The following SNTG1 variants were observed in gnomAD, a reference collection of about 807,000 sequenced individuals.
SNTG1 encodes syntrophin gamma 1.
SNTG1 carries 39 observed loss-of-function variants against 74.7 expected under a neutral mutation model. The ratio of observed to expected loss-of-function variants is 0.52; its 90% CI spans 0.40 to 0.68. The LOEUF is 0.68. Among genes scored for constraint, SNTG1 ranks in the 30% least tolerant of loss-of-function variants. The pLI is 0.00. For missense variants in SNTG1, 685 were observed against 609.5 expected (o/e 1.12, Z -1.30); for synonymous variants, 254 against 217.1 (o/e 1.17, Z -1.49).
chr8:50,678,279 A>C (rs113465705), intron 15 of SNTG1, among the ~76,000 whole-genome samples: 1 of 152,192 alleles, frequency 6.6e-6, no homozygotes, highest in Non-Finnish European at 1.5e-5. Flanking sequence ...CATATTTTAA[A>C]TAATTGAATT....
intron 10 of SNTG1, among the ~76,000 whole-genome samples, chr8:50,531,226 G>A (rs915827386): frequency 1.6e-4 from 24 of 151,756 alleles, no homozygotes; most frequent in African/African-American, 3.4e-4. Flanking sequence ...TTTTTCCTTC[G>A]TAAAAAGAAA....
At chr8:50,561,552 A>T (rs1275003327) in intron 12 of SNTG1, among the ~76,000 whole-genome samples, 2 of 152,204 alleles carry the variant, frequency 1.3e-5, no homozygotes, top group African/African-American at 4.8e-5. Context: ...ATAATAAAAA[A>T]GTTTAATGCA....
intron 1 of SNTG1, among the ~76,000 whole-genome samples, chr8:50,047,453 A>G (rs896544329): frequency 4.6e-5 from 7 of 152,212 alleles, no homozygotes; most frequent in Non-Finnish European, 7.3e-5. Context: ...GGCTCTATGT[A>G]AAATGTGAGA....
At chr8:50,283,751 A>G (rs762117405) in intron 2 of SNTG1, among the ~76,000 whole-genome samples, 10 of 152,176 alleles carry the variant, frequency 6.6e-5, no homozygotes, top group Non-Finnish European at 1.2e-4. Flanking sequence ...GTTCTGGTTG[A>G]GAAAGTTGTG....
At position 50,254,808 on chromosome 8, in the gene SNTG1, G is replaced by C. The variant is rs185341689; in HGVS notation, c.-28+82173G>C. Among the ~76,000 whole-genome samples the C allele has an allele frequency of 3.3e-5, 5 of 150,002 alleles. No homozygotes were observed. The East Asian group carries it at 9.8e-4, about 29-fold the overall frequency. On this transcript the variant is annotated intron_variant, in intron 2 of 18. Coordinates refer to ENST00000642720, the MANE Select transcript of SNTG1 (RefSeq NM_018967.5). ...TTGCAGTGATCTGAGATTGAGCCAC[G>C]AGCCACTGCACTCCAGCCTGGGCGA... is the stretch of plus-strand genomic sequence containing the variant.
At chr8:50,191,465 C>T (rs978712659) in intron 2 of SNTG1, among the ~76,000 whole-genome samples, 8 of 151,990 alleles carry the variant, frequency 5.3e-5, no homozygotes, top group African/African-American at 7.2e-5. Flanking sequence ...GGAAATAGTT[C>T]GGCAAATCAT....
At chr8:50,307,609 T>G (rs1226878805) in intron 2 of SNTG1, among the ~76,000 whole-genome samples, 1 of 152,128 alleles carries the variant, frequency 6.6e-6, no homozygotes, top group African/African-American at 2.4e-5. Context: ...TAATCCTAAT[T>G]TATATCTTCA....
At chr8:50,272,882 G>T (rs2087860316) in intron 2 of SNTG1, among the ~76,000 whole-genome samples, 1 of 147,464 alleles carries the variant, frequency 6.8e-6, no homozygotes, top group Non-Finnish European at 1.5e-5. Flanking sequence ...GACTGCAGGT[G>T]TGTGCCACCA....
At chr8:50,089,381 G>A (rs2079625262) in intron 1 of SNTG1, among the ~76,000 whole-genome samples, 1 of 150,104 alleles carries the variant, frequency 6.7e-6, no homozygotes, top group Admixed American at 6.6e-5. Context: ...AAAAGCAATG[G>A]CAACAAAAGC....
intron 1 of SNTG1, among the ~76,000 whole-genome samples, chr8:50,098,832 A>G (rs149020250): frequency 6.0e-4 from 92 of 152,266 alleles, no homozygotes; most frequent in African/African-American, 1.7e-3. Context: ...GGTTTTGAAG[A>G]TTTTGTGGAA....
At chr8:50,495,906 T>C (rs1188855407) in intron 8 of SNTG1, among the ~76,000 whole-genome samples, 1 of 152,158 alleles carries the variant, frequency 6.6e-6, no homozygotes, top group East Asian at 1.9e-4. Flanking sequence ...AGCCTTTACA[T>C]TACCGTTTCA....
chr8:50,789,066 G>C (rs1466277746), intron 18 of SNTG1, among the ~76,000 whole-genome samples: 1 of 151,814 alleles, frequency 6.6e-6, no homozygotes, highest in Non-Finnish European at 1.5e-5. Context: ...CCTTTAAAAA[G>C]GAAAAGAAGG....
chr8:50,118,992 A>G (rs1289288070), intron 1 of SNTG1, among the ~76,000 whole-genome samples: 2 of 140,792 alleles, frequency 1.4e-5, no homozygotes, highest in Non-Finnish European at 3.2e-5. Flanking sequence ...GGCAGGATGC[A>G]CTGGCTCACA....
chr8:50,065,072 TA>T (rs1445124200), intron 1 of SNTG1, among the ~76,000 whole-genome samples: 1 of 152,174 alleles, frequency 6.6e-6, no homozygotes, highest in African/African-American at 2.4e-5. Context: ...AGTGAGTAAT[TA>T]AATATGATTG....
chr8:50,201,260 T>C (rs2083976294), intron 2 of SNTG1, among the ~76,000 whole-genome samples: 1 of 152,324 alleles, frequency 6.6e-6, no homozygotes, highest in Admixed American at 6.5e-5. Flanking sequence ...GCTATAATAA[T>C]GTGGCTGAAA....
intron 8 of SNTG1, among the ~76,000 whole-genome samples, chr8:50,457,308 C>T (rs975168335): frequency 2.0e-5 from 3 of 152,164 alleles, no homozygotes; most frequent in Non-Finnish European, 4.4e-5. Flanking sequence ...AACTATGGGC[C>T]TCAGTGGATG....
intron 2 of SNTG1, among the ~76,000 whole-genome samples, chr8:50,289,319 A>G (rs952568934): frequency 6.6e-6 from 1 of 152,228 alleles, no homozygotes; most frequent in Non-Finnish European, 1.5e-5. Context: ...CTAAGTTATC[A>G]CCGAATAGAA....
chr8:50,136,311 G>A (rs1317700522), intron 1 of SNTG1, among the ~76,000 whole-genome samples: 1 of 152,096 alleles, frequency 6.6e-6, no homozygotes, highest in Non-Finnish European at 1.5e-5. Flanking sequence ...TCTGCTTTGA[G>A]TTCTTCGAGA....
intron 2 of SNTG1, among the ~76,000 whole-genome samples, chr8:50,349,461 A>C (rs1175015503): frequency 6.6e-6 from 1 of 151,958 alleles, no homozygotes; most frequent in Non-Finnish European, 1.5e-5. Flanking sequence ...TATATTTTCT[A>C]TGTTTTTTTA....
Sources: allele counts gnomAD v4.1 joint callset (sites outside exome capture counted in the v4.1 genomes callset), GRCh38; gene constraint gnomAD v4.1.1; transcripts MANE v1.5; gene names NCBI Gene and HGNC (gene_info 2026-07-23, HGNC 2026-07-21).